NT5DC3: variants seen among roughly 807,000 people sequenced by gnomAD.
NT5DC3 encodes 5'-nucleotidase domain-containing protein 3.
NT5DC3 carries 42 observed loss-of-function variants against 67.8 expected under a neutral mutation model. The observed-to-expected ratio is 0.62, with a 90% CI of 0.48 to 0.80. The LOEUF (loss-of-function observed/expected upper bound fraction) is 0.80. Among genes scored for constraint, NT5DC3 ranks in the 30% least tolerant of loss-of-function variants. The pLI is 0.00. For missense variants in NT5DC3, 570 were observed against 696.4 expected, an observed-to-expected ratio of 0.82 and a Z score of 2.04; for synonymous variants, 237 against 255.6, an observed-to-expected ratio of 0.93 and a Z score of 0.69.
In NT5DC3 at chr12:103,775,446, C is replaced by A. The variant is rs1020424790; in HGVS notation, c.*2383G>T. 8 of 152,266 alleles carry A rather than the reference C, an allele frequency of 5.3e-5. 1 individual carries two copies. The highest frequency in any genetic ancestry group is 1.3e-4 in the Admixed American group (2 of 15,282). 9.4% of individuals were successfully genotyped at this position (152,266 alleles called of 1,614,324 possible). A position where few individuals can be genotyped will look rare whatever the true frequency, so the allele number is the denominator to read the frequency against. ...CACCTGGTAGGTAATCAATGAATAT[C>A]TGATTAGATAAAAACCAAGAATTAT... On this transcript the variant is annotated 3_prime_UTR_variant, in exon 14 of 14. Coordinates refer to ENST00000392876, the MANE Select transcript of NT5DC3 (RefSeq NM_001031701.3).
chr12:103,759,400 C>A, the NT5DC3 span: 1 of 1,345,924 alleles, frequency 7.4e-7, no homozygotes, highest in Non-Finnish European at 9.9e-7. Context: ...AGATAGGGGA[C>A]GGTGTTAACT....
chr12:103,765,078 C>CTCTG, the NT5DC3 span, among the ~76,000 whole-genome samples: 2 of 97,902 alleles, frequency 2.0e-5, no homozygotes, highest in Non-Finnish European at 3.7e-5. Context: ...CAGAGCAAGA[C>CTCTG]TCTGTCTCAA....
At chr12:103,755,044 C>T in the NT5DC3 span, 5 of 445,930 alleles carry the variant, frequency 1.1e-5, no homozygotes, top group Non-Finnish European at 2.0e-5. Context: ...CAAATTCTTT[C>T]TCAAGAGCAG....
chr12:103,807,003 G>A (rs1040759286), intron 2 of NT5DC3, 74 bp from the exon 3 acceptor site: 1 of 871,010 alleles, frequency 1.1e-6, no homozygotes, highest in African/African-American at 1.7e-5. Context: ...TCTGGCCCTT[G>A]TACAAAGGCT....
At chr12:103,809,849 A>G (rs951433245) in intron 2 of NT5DC3, among the ~76,000 whole-genome samples, 3 of 152,126 alleles carry the variant, frequency 2.0e-5, no homozygotes, top group Non-Finnish European at 4.4e-5. Context: ...CAACAGGACG[A>G]TGTCATAATG....
intron 1 of NT5DC3, among the ~76,000 whole-genome samples, chr12:103,831,934 G>A (rs1012499486): frequency 1.1e-4 from 17 of 151,776 alleles, no homozygotes; most frequent in African/African-American, 3.6e-4. Context: ...ATGCCACCTC[G>A]TCCAGCTAAT....
intron 12 of NT5DC3, among the ~76,000 whole-genome samples, chr12:103,780,735 C>T (rs1885515125): frequency 6.6e-6 from 1 of 152,122 alleles, no homozygotes; most frequent in African/African-American, 2.4e-5. Context: ...ATATTATATA[C>T]ATGTGTACAA....
At chr12:103,795,413 A>C (rs983847495) in intron 6 of NT5DC3, among the ~76,000 whole-genome samples, 2 of 152,216 alleles carry the variant, frequency 1.3e-5, no homozygotes, top group Non-Finnish European at 2.9e-5. Flanking sequence ...CTTTCAAATC[A>C]ACATCTCGCC....
At chr12:103,757,930 C>T in the NT5DC3 span, 1 of 544,324 alleles carries the variant, frequency 1.8e-6, no homozygotes, top group Non-Finnish European at 3.2e-6. Flanking sequence ...GCTGCTCAAG[C>T]AGCCACGTGG....
chr12:103,768,870 T>C (rs1362844949), downstream of NT5DC3: 1 of 151,948 alleles, frequency 6.6e-6, no homozygotes. Context: ...GCAGGTTTAC[T>C]GTTAGCTGTT....
chr12:103,795,680 C>T (rs1886280823), intron 6 of NT5DC3, among the ~76,000 whole-genome samples: 1 of 151,240 alleles, frequency 6.6e-6, no homozygotes, highest in Admixed American at 6.6e-5. Flanking sequence ...TTTAAATAAA[C>T]ACATATTTTT....
At chr12:103,816,975 T>TA (rs386377604) in intron 1 of NT5DC3, among the ~76,000 whole-genome samples, 1 of 147,394 alleles carries the variant, frequency 6.8e-6, no homozygotes, top group East Asian at 1.9e-4. Flanking sequence ...TTCTTTTTTT[T>TA]TTTTTTGCTT....
chr12:103,827,046 C>G (rs1384992734), intron 1 of NT5DC3, among the ~76,000 whole-genome samples: 14 of 152,152 alleles, frequency 9.2e-5, no homozygotes, highest in African/African-American at 3.4e-4. Flanking sequence ...GAGTTCGAGA[C>G]CAGCCTGGCC....
intron 1 of NT5DC3, among the ~76,000 whole-genome samples, chr12:103,831,424 C>T (rs1468503273): frequency 6.6e-6 from 1 of 152,160 alleles, no homozygotes; most frequent in East Asian, 1.9e-4. Context: ...AAAGAATGGA[C>T]TCATACAGAT....
At chr12:103,785,751 TAAA>T (rs201632707) in intron 11 of NT5DC3, 2,896 of 363,158 alleles carry the variant, frequency 8.0e-3, no homozygotes, top group Non-Finnish European at 9.5e-3. Flanking sequence ...CCATGGTCTG[TAAA>T]AAAAAAAAAA....
chr12:103,819,191 C>T (rs1055319080), intron 1 of NT5DC3, among the ~76,000 whole-genome samples: 1 of 152,166 alleles, frequency 6.6e-6, no homozygotes, highest in African/African-American at 2.4e-5. Flanking sequence ...GACACCATCA[C>T]CTGAAAGCCT....
At chr12:103,746,604 T>C in the NT5DC3 span, 1 of 1,614,078 alleles carries the variant, frequency 6.2e-7, no homozygotes, top group Non-Finnish European at 8.5e-7. Flanking sequence ...CAGTTTTGCC[T>C]GCAGTGTGTA....
intron 13 of NT5DC3, among the ~76,000 whole-genome samples, chr12:103,778,837 C>T (rs571461574): frequency 2.6e-5 from 4 of 151,880 alleles, no homozygotes; most frequent in South Asian, 2.1e-4. Flanking sequence ...AGAAAACAGC[C>T]TGCCTATCCA....
chr12:103,812,314 G>A (rs12423889), intron 2 of NT5DC3, among the ~76,000 whole-genome samples: 15,293 of 152,094 alleles, frequency 0.1, 1,080 homozygotes, highest in East Asian at 0.27. Flanking sequence ...GTGCATCTTC[G>A]AAGAATTATT....
Sources: allele counts gnomAD v4.1 joint callset (sites outside exome capture counted in the v4.1 genomes callset), GRCh38; gene constraint gnomAD v4.1.1; transcripts MANE v1.5; gene names NCBI Gene and HGNC (gene_info 2026-07-23, HGNC 2026-07-21).